Variants in FYB1 observed in about 807,000 individuals in gnomAD.
FYB1 encodes FYN-binding protein 1.
Under a neutral mutation model 94.1 loss-of-function variants are expected in FYB1, and 41 were observed. The observed-to-expected ratio is 0.44, with a 90% CI of 0.34 to 0.57. The LOEUF is 0.57. Among genes scored for constraint, FYB1 ranks in the 20% least tolerant of loss-of-function variants. FYB1 has a pLI of 0.02. For synonymous variants in FYB1, 367 were observed against 353.2 expected (o/e 1.04, Z -0.44); for missense variants, 1,050 against 976.8 (o/e 1.07, Z -1.00).
At chr5:39,248,864 T>C (rs1169128517) in intron 1 of FYB1, among the ~76,000 whole-genome samples, 1 of 152,190 alleles carries the variant, frequency 6.6e-6, no homozygotes, top group Non-Finnish European at 1.5e-5. Context: ...ATATCTTAAA[T>C]ATTCCCCTTA....
chr5:39,181,290 A>G (rs1746201765), intron 2 of FYB1, among the ~76,000 whole-genome samples: 1 of 152,242 alleles, frequency 6.6e-6, no homozygotes, highest in South Asian at 2.1e-4. Flanking sequence ...TATAGCGTAT[A>G]TAGTATACTT....
chr5:39,243,816 T>C (rs556129934), intron 1 of FYB1, among the ~76,000 whole-genome samples: 2 of 152,316 alleles, frequency 1.3e-5, no homozygotes, highest in East Asian at 1.9e-4. Flanking sequence ...TTTTATTTCG[T>C]TGAGCAGTGG....
chr5:39,121,184 A>G (rs1452884185), intron 14 of FYB1, among the ~76,000 whole-genome samples: 3 of 71,288 alleles, frequency 4.2e-5, no homozygotes, highest in African/African-American at 1.6e-4. Flanking sequence ...AATGTAAAGC[A>G]AAAAAAAAAA....
intron 1 of FYB1, among the ~76,000 whole-genome samples, chr5:39,243,570 G>A (rs1097204): frequency 0.16 from 24,117 of 151,494 alleles, 5,124 homozygotes; most frequent in African/African-American, 0.47. Flanking sequence ...GAAGTCAGGT[G>A]GCGTGATGCC....
chr5:39,163,100 A>C (rs1744410463), intron 2 of FYB1, among the ~76,000 whole-genome samples: 1 of 152,220 alleles, frequency 6.6e-6, no homozygotes, highest in Non-Finnish European at 1.5e-5. Flanking sequence ...GCAGCCTTCA[A>C]GTCTAAGGAC....
chr5:39,204,332 T>C lies in FYB1; in HGVS notation c.-27-1345A>G, dbSNP rs1199176590. ...AAAAGAATGACATTATTTAACCCCA[T>C]TTCACAAGAAAGGAAAATGAGGCTG... On this transcript the variant is annotated intron_variant, in intron 1 of 18. Transcript: ENST00000512982. 2.0e-5 allele frequency among the ~76,000 whole-genome samples: 3 copies of C among 152,182 alleles called. No individual in the cohort carries two copies. In the East Asian group the frequency reaches 5.8e-4, roughly 29 times the overall value.
chr5:39,195,086 C>T (rs1268433012), intron 2 of FYB1, among the ~76,000 whole-genome samples: 1 of 152,136 alleles, frequency 6.6e-6, no homozygotes, highest in Admixed American at 6.5e-5. Flanking sequence ...AGAGCTTTGC[C>T]TCCAGTGATT....
intron 2 of FYB1, among the ~76,000 whole-genome samples, chr5:39,200,171 G>T (rs1226377915): frequency 6.6e-6 from 1 of 152,174 alleles, no homozygotes; most frequent in Non-Finnish European, 1.5e-5. Context: ...AGGAGAAGGA[G>T]AACAAGGATA....
At chr5:39,135,713 G>A (rs1221046749) in intron 7 of FYB1, among the ~76,000 whole-genome samples, 1 of 152,022 alleles carries the variant, frequency 6.6e-6, no homozygotes, top group Non-Finnish European at 1.5e-5. Flanking sequence ...ATTTATGATG[G>A]CATTAATTAT....
At chr5:39,113,535 T>G (rs10061822) in intron 16 of FYB1, among the ~76,000 whole-genome samples, 65,966 of 151,940 alleles carry the variant, frequency 0.43, 14,505 homozygotes, top group Non-Finnish European at 0.46. Context: ...AATGTTTGCT[T>G]GCTACAGTGC....
intron 1 of FYB1, among the ~76,000 whole-genome samples, chr5:39,260,452 C>T (rs1752162743): frequency 6.6e-6 from 1 of 152,104 alleles, no homozygotes; most frequent in South Asian, 2.1e-4. Context: ...TCTTAGCCTC[C>T]TGTTTTAAAT....
rs74849291 is a variant in FYB1 at position 39,190,792 on chromosome 5, G to GTGTGTGT, written c.1135+11033_1135+11034insACACACA. The stretch of plus-strand genomic sequence containing the variant: ...TTTGTGTGTGTGTGTGTGTGTGTGT[G>GTGTGTGT]AGAGAGAGATGTTGGCTTTGTTACA... On this transcript the variant is annotated intron_variant, in intron 2 of 18. Transcript: ENST00000512982. Among the ~76,000 whole-genome samples the GTGTGTGT allele has an allele frequency of 9.2e-3, 1,392 of 150,622 alleles. 32 individuals carry two copies. In the East Asian group the frequency reaches 0.1, roughly 11 times the overall value.
chr5:39,159,415 T>A (rs772085963), intron 2 of FYB1, among the ~76,000 whole-genome samples: 1 of 152,212 alleles, frequency 6.6e-6, no homozygotes, highest in Non-Finnish European at 1.5e-5. Flanking sequence ...GGACACTTAA[T>A]GGAATCTCTT....
chr5:39,119,894 ACT>A (rs1414327584), intron 14 of FYB1, among the ~76,000 whole-genome samples: 23 of 152,230 alleles, frequency 1.5e-4, no homozygotes, highest in African/African-American at 4.1e-4. Flanking sequence ...ATATAAAATC[ACT>A]GAGTCATGGT....
At chr5:39,261,573 C>A (rs182842700) in intron 1 of FYB1, among the ~76,000 whole-genome samples, 1 of 152,056 alleles carries the variant, frequency 6.6e-6, no homozygotes, top group Non-Finnish European at 1.5e-5. Context: ...GTGGTGAAAC[C>A]CCATTTCTAC....
intron 3 of FYB1, among the ~76,000 whole-genome samples, chr5:39,143,207 T>A (rs780444556): frequency 6.6e-6 from 1 of 152,178 alleles, no homozygotes; most frequent in Non-Finnish European, 1.5e-5. Flanking sequence ...TGTATTATCA[T>A]CTCAGAAACT....
At chr5:39,209,249 A>G (rs1749135888) in intron 1 of FYB1, among the ~76,000 whole-genome samples, 1 of 152,168 alleles carries the variant, frequency 6.6e-6, no homozygotes, top group African/African-American at 2.4e-5. Context: ...ACCCTTCACA[A>G]GCATCGTAGA....
intron 1 of FYB1, among the ~76,000 whole-genome samples, chr5:39,247,630 TA>T (rs1240265506): frequency 6.6e-6 from 1 of 152,164 alleles, no homozygotes; most frequent in Non-Finnish European, 1.5e-5. Flanking sequence ...TTATATTGGA[TA>T]TTTTTTACCC....
chr5:39,211,447 G>A (rs1003495495), intron 1 of FYB1, among the ~76,000 whole-genome samples: 2 of 151,340 alleles, frequency 1.3e-5, no homozygotes, highest in Admixed American at 6.6e-5. Context: ...CAGCCTCTCC[G>A]AGTAGCTGGA....
Sources: gnomAD v4.1 joint callset for allele counts (sites outside exome capture counted in the v4.1 genomes callset) on GRCh38, gnomAD v4.1.1 for gene constraint, MANE v1.5 for transcripts, NCBI Gene and HGNC (gene_info 2026-07-23, HGNC 2026-07-21) for gene names.